The following CHST15 variants were observed in gnomAD, a reference collection of about 807,000 sequenced individuals.
The protein encoded by CHST15 is B cell RAG associated protein (GALNAC4S-6ST).
CHST15 carries 30 observed loss-of-function variants against 53.6 expected under a neutral mutation model. The ratio of observed to expected loss-of-function variants is 0.56; its 90% CI spans 0.42 to 0.76. CHST15 has a LOEUF of 0.76. CHST15 is among the 30% of genes least tolerant of loss of function. The pLI, the probability that CHST15 is intolerant of heterozygous loss-of-function variation, is 0.00. For synonymous variants in CHST15, 296 were observed against 289.8 expected, an observed-to-expected ratio of 1.02 and a Z score of -0.22; for missense variants, 627 against 740.5, an observed-to-expected ratio of 0.85 and a Z score of 1.78.
chr10:124,061,633 A>G (rs1395209198), intron 1 of CHST15, among the ~76,000 whole-genome samples: 2 of 152,232 alleles, frequency 1.3e-5, no homozygotes, highest in Admixed American at 1.3e-4. Flanking sequence ...AATTTTACTT[A>G]CATAGAGCAA....
At chr10:124,055,794 A>G (rs1002333833) in intron 1 of CHST15, among the ~76,000 whole-genome samples, 4 of 152,218 alleles carry the variant, frequency 2.6e-5, no homozygotes, top group Non-Finnish European at 4.4e-5. Flanking sequence ...CCCATCCCCA[A>G]AGATCCAGGG....
At chr10:124,075,501 C>T (rs993657698) in intron 1 of CHST15, among the ~76,000 whole-genome samples, 4 of 152,280 alleles carry the variant, frequency 2.6e-5, no homozygotes, top group Non-Finnish European at 2.9e-5. Flanking sequence ...CTGTACAAAC[C>T]GAGGACAAAG....
chr10:124,035,802 C>T (rs1647911714), intron 5 of CHST15, among the ~76,000 whole-genome samples: 1 of 152,202 alleles, frequency 6.6e-6, no homozygotes, highest in Non-Finnish European at 1.5e-5. Flanking sequence ...CATCAGTCTT[C>T]TCCAGGTCAG....
At chr10:124,025,443 A>T (rs1441030429) in intron 5 of CHST15, among the ~76,000 whole-genome samples, 1 of 152,186 alleles carries the variant, frequency 6.6e-6, no homozygotes, top group Non-Finnish European at 1.5e-5. Flanking sequence ...GGTACTTTGG[A>T]TCTGCTCAGA....
intron 3 of CHST15, among the ~76,000 whole-genome samples, chr10:124,043,842 T>C (rs1056964788): frequency 1.3e-5 from 2 of 152,010 alleles, no homozygotes; most frequent in Non-Finnish European, 2.9e-5. Flanking sequence ...CCAGGTGCAG[T>C]GACTGCAGCT....
At chr10:124,063,841 T>C (rs762749172) in intron 1 of CHST15, among the ~76,000 whole-genome samples, 12 of 152,188 alleles carry the variant, frequency 7.9e-5, no homozygotes, top group Non-Finnish European at 1.8e-4. Flanking sequence ...GAAAGCCTTC[T>C]TTTGCAGAGA....
At position 124,009,640 on chromosome 10, in the gene CHST15, A is replaced by G. The variant is rs1946356600; in HGVS notation, c.*509T>C. 2.7e-5 allele frequency: 27 copies of G among 995,364 alleles called. No individual in the cohort carries two copies. The highest frequency in any genetic ancestry group is 3.1e-5 in the Non-Finnish European group (26 of 835,186). 61.7% of individuals were successfully genotyped at this position (995,364 alleles called of 1,614,324 possible). A position where few individuals can be genotyped will look rare whatever the true frequency, so the allele number is the denominator to read the frequency against. On this transcript the variant is annotated 3_prime_UTR_variant, in exon 8 of 8. Coordinates refer to ENST00000435907, the MANE Select transcript of CHST15 (RefSeq NM_001270764.2). ...AGAGTGTTTCAGAAGTGAATGTGGTATGATCACACCTGTGAAGATAGCCAT... is the reference window on the plus strand; with the variant it reads ...AGAGTGTTTCAGAAGTGAATGTGGTGTGATCACACCTGTGAAGATAGCCAT...
rs564838368 is a variant in CHST15 at position 124,009,278 on chromosome 10, C to T, written c.*871G>A. 1.7e-5 allele frequency: 19 copies of T among 1,096,200 alleles called. No homozygotes were observed. In the African/African-American group the frequency reaches 3.1e-4, roughly 18 times the overall value. The allele number at this position is 1,096,200 out of a possible 1,614,324, so 67.9% of individuals were successfully genotyped here. A position where few individuals can be genotyped will look rare whatever the true frequency, so the allele number is the denominator to read the frequency against. ...TCTGGCATTAACAGCAAAAATTTCT[C>T]TTCCAATTATAAACTGAAGTTCTTG... On this transcript the variant is annotated 3_prime_UTR_variant, in exon 8 of 8. Coordinates refer to ENST00000435907, the MANE Select transcript of CHST15 (RefSeq NM_001270764.2).
chr10:124,015,016 G>C (rs28587948), intron 6 of CHST15, among the ~76,000 whole-genome samples: 12,307 of 152,152 alleles, frequency 0.081, 677 homozygotes, highest in Admixed American at 0.14. Context: ...TGCTTCTCCC[G>C]GGGCTAGCTC....
In CHST15 at chr10:124,071,440, G is replaced by A. The variant is rs145926681; in HGVS notation, c.-513+22029C>T. Among the ~76,000 whole-genome samples, 47 of 152,286 alleles carry A rather than the reference G, an allele frequency of 3.1e-4. 1 individual carries two copies. In the East Asian group the frequency reaches 8.9e-3, roughly 29 times the overall value. ...CTCTCCTCCAACTCCCTAGCACTCT[G>A]AGTCAAATTCCAGCAAGAAAGTGCC... On this transcript the variant is annotated intron_variant, in intron 1 of 7. Coordinates refer to ENST00000435907, the MANE Select transcript of CHST15 (RefSeq NM_001270764.2).
At position 124,046,397 on chromosome 10, in the gene CHST15, T is replaced by C; in HGVS notation, c.-185A>G. 1.7e-6 allele frequency: 1 copy of C among 580,040 alleles called. No homozygotes were observed. Among genetic ancestry groups the C allele is most frequent in the East Asian group, 3.0e-5 (1 of 33,726 alleles). 35.9% of individuals were successfully genotyped at this position (580,040 alleles called of 1,614,324 possible). On this transcript the variant is annotated 5_prime_UTR_variant, in exon 2 of 8. Transcript: ENST00000435907. ...CTAGAGAAAGAGGGTGCACATTCTT[T>C]GGTTCAGCTCCGAAAGAAAACAAAA...
chr10:124,063,103 C>T (rs1235914621), intron 1 of CHST15, among the ~76,000 whole-genome samples: 1 of 152,174 alleles, frequency 6.6e-6, no homozygotes, highest in African/African-American at 2.4e-5. Flanking sequence ...TCATTTCAGG[C>T]TGGGCGCAGT....
At chr10:124,085,973 C>T (rs1394058276) in intron 1 of CHST15, among the ~76,000 whole-genome samples, 1 of 152,158 alleles carries the variant, frequency 6.6e-6, no homozygotes, top group Non-Finnish European at 1.5e-5. Context: ...AACACAGAAC[C>T]AGGTCTGGTA....
chr10:124,079,992 C>G (rs958229146), intron 1 of CHST15, among the ~76,000 whole-genome samples: 1 of 152,204 alleles, frequency 6.6e-6, no homozygotes, highest in Non-Finnish European at 1.5e-5. Context: ...AGACGTACCC[C>G]CTCAAGCATG....
At chr10:124,013,384 G>A (rs1946479015) in intron 6 of CHST15, among the ~76,000 whole-genome samples, 1 of 152,172 alleles carries the variant, frequency 6.6e-6, no homozygotes, top group African/African-American at 2.4e-5. Context: ...TACTCCACGA[G>A]GATTGCCACA....
In CHST15 at chr10:124,009,384, T is replaced by C. The variant is rs923736977; in HGVS notation, c.*765A>G. ...GTGGTTTTGTTTTAAACGCATTCATTTTCTATGTTAAACATAAGTCCACAA... is the reference window on the plus strand; with the variant it reads ...GTGGTTTTGTTTTAAACGCATTCATCTTCTATGTTAAACATAAGTCCACAA... On this transcript the variant is annotated 3_prime_UTR_variant, in exon 8 of 8. Transcript: ENST00000435907. 4.0e-6 allele frequency: 4 copies of C among 1,010,328 alleles called. No homozygotes were observed. In the South Asian group the frequency reaches 1.6e-4, roughly 39 times the overall value. The allele number at this position is 1,010,328 out of a possible 1,614,324, so 62.6% of individuals were successfully genotyped here. A position where few individuals can be genotyped will look rare whatever the true frequency, so the allele number is the denominator to read the frequency against.
chr10:124,017,103 G>A (rs76661718), intron 6 of CHST15, among the ~76,000 whole-genome samples: 3,072 of 152,182 alleles, frequency 0.02, 103 homozygotes, highest in African/African-American at 0.07. Flanking sequence ...GACTGTACGT[G>A]CATATTAGAT....
intron 1 of CHST15, among the ~76,000 whole-genome samples, chr10:124,047,974 C>T (rs972464197): frequency 3.3e-5 from 5 of 152,220 alleles, no homozygotes; most frequent in African/African-American, 1.2e-4. Flanking sequence ...TCCATAGAGG[C>T]AGCATTAACT....
intron 1 of CHST15, among the ~76,000 whole-genome samples, chr10:124,089,799 C>T (rs28587839): frequency 0.26 from 40,261 of 152,088 alleles, 6,098 homozygotes; most frequent in South Asian, 0.37. Flanking sequence ...TCTGTCTACA[C>T]AGCCAATTCC....
Sources: gnomAD v4.1 joint callset for allele counts (sites outside exome capture counted in the v4.1 genomes callset) on GRCh38, gnomAD v4.1.1 for gene constraint, MANE v1.5 for transcripts, NCBI Gene and HGNC (gene_info 2026-07-23, HGNC 2026-07-21) for gene names.